Variants in TTI1 observed in about 807,000 individuals in gnomAD.
TTI1 encodes the protein TELO2 interacting protein 1.
TTI1 carries 52 observed loss-of-function variants against 85.4 expected under a neutral mutation model. The observed-to-expected ratio is 0.61, with a 90% CI of 0.49 to 0.77. The LOEUF (loss-of-function observed/expected upper bound fraction) is 0.77, where lower values mean the gene tolerates loss of function less well. TTI1 is among the 30% of genes least tolerant of loss of function. The pLI, the probability that TTI1 is intolerant of heterozygous loss-of-function variation, is 0.00. For synonymous variants in TTI1, 512 were observed against 503.9 expected, an observed-to-expected ratio of 1.02 and a Z score of -0.22; for missense variants, 1,173 against 1,296.0, an observed-to-expected ratio of 0.91 and a Z score of 1.46.
chr20:37,984,447 C>T (rs753668072), intron 7 of TTI1, among the ~76,000 whole-genome samples: 1 of 152,184 alleles, frequency 6.6e-6, no homozygotes, highest in Non-Finnish European at 1.5e-5. Context: ...ACAACTCTTG[C>T]CTCTTAGCTG....
At chr20:38,005,192 AAAAG>A (rs760990059) in intron 3 of TTI1, among the ~76,000 whole-genome samples, 4 of 152,242 alleles carry the variant, frequency 2.6e-5, no homozygotes, top group Non-Finnish European at 1.5e-5. Flanking sequence ...AAGAAAAAGA[AAAAG>A]AAACGTTTTA....
At chr20:38,024,913 GC>G (rs2073816795) in intron 1 of TTI1, among the ~76,000 whole-genome samples, 1 of 152,106 alleles carries the variant, frequency 6.6e-6, no homozygotes, top group Admixed American at 6.5e-5. Flanking sequence ...TTTCACCACT[GC>G]CCAGTGGTAA....
chr20:37,997,856 A>C (rs1052917111), intron 5 of TTI1, among the ~76,000 whole-genome samples: 6 of 152,076 alleles, frequency 3.9e-5, no homozygotes, highest in African/African-American at 1.4e-4. Context: ...CAGACAACCT[A>C]TTAATTCTCA....
intron 1 of TTI1, among the ~76,000 whole-genome samples, chr20:38,021,013 A>G (rs2073764502): frequency 6.6e-6 from 1 of 152,226 alleles, no homozygotes; most frequent in East Asian, 1.9e-4. Context: ...TATACCCAAT[A>G]GAAATGTACA....
chr20:37,990,058 C>T (rs964902085), intron 7 of TTI1, among the ~76,000 whole-genome samples: 22 of 152,208 alleles, frequency 1.4e-4, no homozygotes, highest in Non-Finnish European at 2.9e-4. Context: ...GTACCATTTT[C>T]CTCTTTGCTG....
At chr20:37,995,604 C>T (rs796849595) in intron 7 of TTI1, among the ~76,000 whole-genome samples, 2 of 152,364 alleles carry the variant, frequency 1.3e-5, no homozygotes, top group African/African-American at 4.8e-5. Context: ...ATGCAGGCTG[C>T]TCCCACCTGG....
intron 1 of TTI1, among the ~76,000 whole-genome samples, chr20:38,032,479 T>C (rs1013497755): frequency 6.6e-6 from 1 of 152,194 alleles, no homozygotes. Flanking sequence ...CTTAACTCCC[T>C]ACCATCACCC....
At chr20:38,002,842 G>A in intron 3 of TTI1, 66 bp from the exon 4 acceptor site, 1 of 1,592,138 alleles carries the variant, frequency 6.3e-7, no homozygotes. Context: ...CTAAATTTCT[G>A]TTCTTTATAA....
intron 1 of TTI1, among the ~76,000 whole-genome samples, chr20:38,020,310 G>GAAAAAAAAAAAAAA (rs772839935): frequency 4.1e-5 from 2 of 48,278 alleles, no homozygotes; most frequent in African/African-American, 1.1e-4. Context: ...CTACTCATAT[G>GAAAAAAAAAAAAAA]AAAAAAAAAA....
chr20:37,987,213 C>G, intron 7 of TTI1: 1 of 456,762 alleles, frequency 2.2e-6, no homozygotes, highest in Non-Finnish European at 4.4e-6. Flanking sequence ...GTCACTTTGT[C>G]CTGGGGCCAG....
intron 6 of TTI1, 143 bp downstream of exon 6, chr20:37,996,606 T>C (rs928655361): frequency 6.4e-6 from 9 of 1,396,896 alleles, no homozygotes; most frequent in Non-Finnish European, 7.9e-6. Context: ...CACATCAAGA[T>C]AAATGGACAA....
chr20:38,002,252 T>C (rs574930221), intron 4 of TTI1, among the ~76,000 whole-genome samples: 2 of 152,290 alleles, frequency 1.3e-5, no homozygotes, highest in Admixed American at 6.5e-5. Context: ...TTCCCTAGAA[T>C]GAAAACAGAG....
At chr20:38,017,350 G>A (rs1002196863) in intron 1 of TTI1, among the ~76,000 whole-genome samples, 7 of 151,864 alleles carry the variant, frequency 4.6e-5, no homozygotes, top group Admixed American at 2.6e-4. Flanking sequence ...AAGCAACAAG[G>A]ACTAGATGGA....
At chr20:38,015,818 G>A (rs1697016428) in intron 1 of TTI1, among the ~76,000 whole-genome samples, 3 of 152,158 alleles carry the variant, frequency 2.0e-5, no homozygotes, top group Admixed American at 6.5e-5. Flanking sequence ...CTTACCCAAA[G>A]CAGGGATGCA....
intron 1 of TTI1, among the ~76,000 whole-genome samples, chr20:38,020,556 T>A (rs1211371512): frequency 6.6e-6 from 1 of 150,858 alleles, no homozygotes; most frequent in African/African-American, 2.4e-5. Flanking sequence ...TATTACAGAG[T>A]GAAAAGGCAA....
At chr20:38,014,442 A>G (rs1412912959) in intron 1 of TTI1, among the ~76,000 whole-genome samples, 3 of 152,152 alleles carry the variant, frequency 2.0e-5, no homozygotes, top group Non-Finnish European at 1.5e-5. Flanking sequence ...TATGACTTCT[A>G]TCACTACAGA....
intron 1 of TTI1, among the ~76,000 whole-genome samples, chr20:38,014,765 T>C (rs550015892): frequency 7.9e-5 from 12 of 152,090 alleles, no homozygotes; most frequent in African/African-American, 2.9e-4. Context: ...TCCAAGAGTC[T>C]GTCTTTTTTT....
rs3038751 is a variant in TTI1, at chr20:38,030,528, AACAC to A, written c.-42+2872_-42+2875del. ...TATTAGGAAATTCAGCAGTATGTAA[AACAC>A]ACACACACACACACACACACACACA... On this transcript the variant is annotated intron_variant, in intron 1 of 7. Coordinates refer to ENST00000373447, the MANE Select transcript of TTI1 (RefSeq NM_001303457.2). Among the ~76,000 whole-genome samples, 665 of 144,908 alleles carry A rather than the reference AACAC, an allele frequency of 4.6e-3. 3 individuals are homozygous for A. The highest frequency in any genetic ancestry group is 7.3e-3 in the Non-Finnish European group (482 of 65,990).
intron 1 of TTI1, among the ~76,000 whole-genome samples, chr20:38,025,126 T>G (rs2073819679): frequency 6.6e-6 from 1 of 152,140 alleles, no homozygotes; most frequent in Non-Finnish European, 1.5e-5. Flanking sequence ...AGGAATGGTG[T>G]CAGAGATTGT....
Sources: gnomAD v4.1 joint callset for allele counts (sites outside exome capture counted in the v4.1 genomes callset) on GRCh38, gnomAD v4.1.1 for gene constraint, MANE v1.5 for transcripts, NCBI Gene and HGNC (gene_info 2026-07-23, HGNC 2026-07-21) for gene names.